FAM151B: variants seen among roughly 807,000 people sequenced by gnomAD.
FAM151B encodes the protein family with sequence similarity 151 member B.
Under a neutral mutation model 31.2 loss-of-function variants are expected in FAM151B, and 24 were observed. That is an observed-to-expected ratio of 0.77 (90% CI 0.56 to 1.08). The LOEUF is 1.08. FAM151B is among the 50% of genes least tolerant of loss of function. The pLI is 0.00. For missense variants in FAM151B, 293 were observed against 328.6 expected (o/e 0.89, Z 0.84); for synonymous variants, 105 against 111.4 (o/e 0.94, Z 0.36).
intron 3 of FAM151B, among the ~76,000 whole-genome samples, chr5:80,514,249 C>T (rs922917568): frequency 1.3e-4 from 20 of 151,700 alleles, no homozygotes; most frequent in African/African-American, 4.4e-4. Context: ...CTGAGGTGGG[C>T]GAATCAACCG....
chr5:80,515,707 T>G (rs898907512), intron 3 of FAM151B, among the ~76,000 whole-genome samples: 1 of 152,230 alleles, frequency 6.6e-6, no homozygotes, highest in Non-Finnish European at 1.5e-5. Flanking sequence ...AATAGGTATG[T>G]GAACACCTAT....
chr5:80,502,035 G>T lies in FAM151B; in HGVS notation c.151+118G>T, dbSNP rs557189315. 8.7e-6 allele frequency: 5 copies of T among 577,174 alleles called. No homozygotes were observed. The Admixed American group carries it at 1.7e-4, about 20-fold the overall frequency. 35.8% of individuals were successfully genotyped at this position (577,174 alleles called of 1,614,324 possible). A position where few individuals can be genotyped will look rare whatever the true frequency, so the allele number is the denominator to read the frequency against. On this transcript the variant is annotated intron_variant, in intron 2 of 5. Transcript: ENST00000282226. ...CAGGTGATCCAAGTGTAAGTTCCAG[G>T]CTGACATGAGTATTTTATTTATTTT...
At chr5:80,491,437 G>GCCCA (rs1743327083) in intron 1 of FAM151B, among the ~76,000 whole-genome samples, 1 of 152,092 alleles carries the variant, frequency 6.6e-6, no homozygotes, top group Non-Finnish European at 1.5e-5. Context: ...TGCCCAGGCT[G>GCCCA]GTCTCGAACT....
At chr5:80,512,504 A>G (rs1744229145) in intron 2 of FAM151B, among the ~76,000 whole-genome samples, 1 of 152,212 alleles carries the variant, frequency 6.6e-6, no homozygotes, top group Non-Finnish European at 1.5e-5. Context: ...CAGGATTGGC[A>G]CAGTGGCTCA....
chr5:80,493,312 A>G (rs1743389952), intron 1 of FAM151B, among the ~76,000 whole-genome samples: 1 of 152,206 alleles, frequency 6.6e-6, no homozygotes, highest in South Asian at 2.1e-4. Flanking sequence ...TGTTATCTTC[A>G]TAAGCTGAGA....
chr5:80,530,268 C>G (rs1745173070), intron 5 of FAM151B, among the ~76,000 whole-genome samples: 1 of 152,070 alleles, frequency 6.6e-6, no homozygotes, highest in Non-Finnish European at 1.5e-5. Context: ...GACAAACCCA[C>G]AGCCAATATC....
Position 80,541,718 on chromosome 5 carries a change from T to G in FAM151B, c.717T>G (p.Val239=), listed in dbSNP as rs1580468608. Residue 239 remains valine, a synonymous_variant, in exon 6 of 6, where the codon GTT becomes GTG. Coordinates refer to ENST00000282226, the MANE Select transcript of FAM151B (RefSeq NM_205548.3). ...CTGGAAAAAATGATAACTATTCCGT[T>G]GAAGATTTACTTTACATTAGAGACC... The part of the protein sequence containing the change: ...IWTGKNDNYS[V]EDLLYIRDHF... 3 of 1,613,786 alleles carry G rather than the reference T, an allele frequency of 1.9e-6. No homozygotes were observed. Among genetic ancestry groups the G allele is most frequent in the Non-Finnish European group, 2.5e-6 (3 of 1,179,808 alleles).
chr5:80,502,795 T>C (rs1341206695), intron 2 of FAM151B, among the ~76,000 whole-genome samples: 2 of 152,246 alleles, frequency 1.3e-5, no homozygotes, highest in Non-Finnish European at 2.9e-5. Context: ...TCTTTTATTG[T>C]CAAAACACTG....
chr5:80,498,335 A>T lies in FAM151B; in HGVS notation c.26-3457A>T, dbSNP rs561327340. On this transcript the variant is annotated intron_variant, in intron 1 of 5. Transcript: ENST00000282226. ...TCCACCTAACTGTCCTTTTTTTTTT[A>T]AATTCTGCAGCCCAGCGTTAGAAGT... Among the ~76,000 whole-genome samples, 819 of 151,814 alleles carry T rather than the reference A, an allele frequency of 5.4e-3. 4 individuals are homozygous for T. Among genetic ancestry groups the T allele is most frequent in the Admixed American group, 8.5e-3 (129 of 15,262 alleles).
intron 3 of FAM151B, among the ~76,000 whole-genome samples, chr5:80,519,473 CTT>C (rs1332400162): frequency 6.6e-6 from 1 of 152,142 alleles, no homozygotes; most frequent in East Asian, 1.9e-4. Flanking sequence ...TTTATAGACT[CTT>C]TAAGGTATAT....
intron 5 of FAM151B, 57 bp downstream of exon 5, chr5:80,522,195 A>T: frequency 1.1e-5 from 16 of 1,520,326 alleles, no homozygotes; most frequent in Non-Finnish European, 1.4e-5. Context: ...AGAGATAGAA[A>T]GGGCATGAAA....
chr5:80,537,982 C>A (rs1745599027), intron 5 of FAM151B, among the ~76,000 whole-genome samples: 1 of 152,024 alleles, frequency 6.6e-6, no homozygotes, highest in South Asian at 2.1e-4. Flanking sequence ...ATGTCACTAA[C>A]TACAATTGTT....
intron 5 of FAM151B, among the ~76,000 whole-genome samples, chr5:80,534,448 C>A (rs949766483): frequency 2.0e-5 from 3 of 152,102 alleles, no homozygotes; most frequent in Non-Finnish European, 4.4e-5. Flanking sequence ...AAGGATGGTT[C>A]AACACATGTA....
rs1167187544 is a variant in FAM151B at position 80,497,538 on chromosome 5, A to T, written c.26-4254A>T. ...AGTTACAGCCTGTTTAAATAATAAT[A>T]CTAAGACCTTAGATCATAGGTAATT... On this transcript the variant is annotated intron_variant, in intron 1 of 5. Transcript: ENST00000282226. 2.0e-5 allele frequency among the ~76,000 whole-genome samples: 3 copies of T among 152,120 alleles called. No homozygotes were observed. The East Asian group carries it at 5.8e-4, about 29-fold the overall frequency.
At chr5:80,513,522 C>A in intron 2 of FAM151B, 82 bp from the exon 3 acceptor site, 2 of 1,334,216 alleles carry the variant, frequency 1.5e-6, no homozygotes, top group Non-Finnish European at 2.0e-6. Context: ...TTATCTTCCT[C>A]AAAAGGATAC....
At chr5:80,489,317 A>G (rs1175684388) in intron 1 of FAM151B, among the ~76,000 whole-genome samples, 1 of 152,200 alleles carries the variant, frequency 6.6e-6, no homozygotes, top group Non-Finnish European at 1.5e-5. Flanking sequence ...TTACTGGATC[A>G]AAGGATGTGA....
At chr5:80,500,801 G>T in intron 1 of FAM151B, 1 of 1,493,090 alleles carries the variant, frequency 6.7e-7, no homozygotes, top group Non-Finnish European at 9.2e-7. Context: ...TACAAGCGTG[G>T]TTATGGCAAA....
At chr5:80,516,392 G>A (rs1343926024) in intron 3 of FAM151B, among the ~76,000 whole-genome samples, 1 of 152,138 alleles carries the variant, frequency 6.6e-6, no homozygotes, top group East Asian at 1.9e-4. Context: ...TTTTAGCTAA[G>A]AATTATTTTC....
chr5:80,531,079 A>C (rs1054264904), intron 5 of FAM151B, among the ~76,000 whole-genome samples: 1 of 152,090 alleles, frequency 6.6e-6, no homozygotes. Flanking sequence ...TGGAAATGAG[A>C]CCGCACGTCT....
Sources: gnomAD v4.1 joint callset for allele counts (sites outside exome capture counted in the v4.1 genomes callset) on GRCh38, gnomAD v4.1.1 for gene constraint, MANE v1.5 for transcripts, NCBI Gene and HGNC (gene_info 2026-07-23, HGNC 2026-07-21) for gene names.